Variants in ZNF521 observed in about 807,000 individuals in gnomAD.
ZNF521 encodes the protein zinc finger protein 521, also known as LYST-interacting protein 3.
ZNF521 carries 14 observed loss-of-function variants against 105.5 expected under a neutral mutation model. The ratio of observed to expected loss-of-function variants is 0.13; its 90% CI spans 0.09 to 0.21. ZNF521 has a LOEUF of 0.21. Among genes scored for constraint, ZNF521 ranks in the 10% least tolerant of loss-of-function variants. The pLI, the probability that ZNF521 is intolerant of heterozygous loss-of-function variation, is 1.00. For missense variants in ZNF521, 1,233 were observed against 1,629.7 expected (o/e 0.76, Z 4.19); for synonymous variants, 635 against 606.0 (o/e 1.05, Z -0.70).
At chr18:25,112,525 A>G (rs9949253) in intron 5 of ZNF521, among the ~76,000 whole-genome samples, 78,175 of 152,010 alleles carry the variant, frequency 0.51, 20,393 homozygotes, top group South Asian at 0.66. Context: ...TAAAGAGCAC[A>G]GCTGAGATTA....
intron 3 of ZNF521, among the ~76,000 whole-genome samples, chr18:25,286,095 G>T (rs765076354): frequency 1.3e-5 from 2 of 152,228 alleles, no homozygotes; most frequent in African/African-American, 2.4e-5. Context: ...GCGACCTGGG[G>T]CTGCAGTGCG....
intron 3 of ZNF521, among the ~76,000 whole-genome samples, chr18:25,268,212 G>A (rs1909404419): frequency 6.6e-6 from 1 of 152,132 alleles, no homozygotes. Context: ...ATGAAATACA[G>A]CAAGAAGACA....
At chr18:25,106,417 G>C (rs2034074840) in intron 5 of ZNF521, among the ~76,000 whole-genome samples, 1 of 152,010 alleles carries the variant, frequency 6.6e-6, no homozygotes, top group African/African-American at 2.4e-5. Flanking sequence ...TAAAAAGTTA[G>C]ATTTCCCTGT....
intron 3 of ZNF521, among the ~76,000 whole-genome samples, chr18:25,295,402 T>C (rs79813127): frequency 0.017 from 2,595 of 152,278 alleles, 86 homozygotes; most frequent in African/African-American, 0.058. Context: ...TAGTATTTGC[T>C]AGCACAACAG....
intron 3 of ZNF521, among the ~76,000 whole-genome samples, chr18:25,253,143 G>A (rs45510892): frequency 0.069 from 10,502 of 152,096 alleles, 444 homozygotes; most frequent in African/African-American, 0.12. Flanking sequence ...AGCAGTACTT[G>A]TTCATAAATC....
intron 6 of ZNF521, 44 bp downstream of exon 6, chr18:25,091,905 GT>G: frequency 6.2e-7 from 1 of 1,604,198 alleles, no homozygotes; most frequent in Non-Finnish European, 8.5e-7. Context: ...AAGACATGAT[GT>G]GGCCATCAGC....
chr18:25,083,051 C>T (rs1247842977), intron 7 of ZNF521, among the ~76,000 whole-genome samples: 2 of 151,922 alleles, frequency 1.3e-5, no homozygotes, highest in African/African-American at 4.8e-5. Context: ...AAACTTTTTT[C>T]CAAACTACAC....
chr18:25,251,699 CCACTA>C, intron 3 of ZNF521, among the ~76,000 whole-genome samples: 1 of 152,314 alleles, frequency 6.6e-6, no homozygotes, highest in East Asian at 1.9e-4. Context: ...CATTCAGCAT[CCACTA>C]TACAGGCCAA....
At chr18:25,338,736 A>G (rs981888981) in intron 2 of ZNF521, among the ~76,000 whole-genome samples, 3 of 152,170 alleles carry the variant, frequency 2.0e-5, no homozygotes, top group African/African-American at 7.2e-5. Context: ...TACAGAATAT[A>G]CTAATGAATT....
chr18:25,134,447 A>C (rs372455005), intron 5 of ZNF521, among the ~76,000 whole-genome samples: 163 of 152,228 alleles, frequency 1.1e-3, no homozygotes, highest in Non-Finnish European at 1.9e-3. Flanking sequence ...TCCCATTCCT[A>C]ATGAGCAGGG....
chr18:25,332,420 T>C (rs1046461211), intron 2 of ZNF521, among the ~76,000 whole-genome samples: 2 of 151,062 alleles, frequency 1.3e-5, no homozygotes, highest in African/African-American at 4.9e-5. Flanking sequence ...TTATGTATAA[T>C]TGAAAAAAAG....
chr18:25,074,027 T>C (rs2033289139), intron 7 of ZNF521, among the ~76,000 whole-genome samples: 1 of 149,626 alleles, frequency 6.7e-6, no homozygotes, highest in East Asian at 1.9e-4. Context: ...GAGAGGTGTG[T>C]GTGCGTGCAT....
At chr18:25,208,083 C>A (rs892208340) in intron 4 of ZNF521, among the ~76,000 whole-genome samples, 2 of 152,016 alleles carry the variant, frequency 1.3e-5, no homozygotes. Context: ...ATCAGTCATT[C>A]TTTTAAAAGA....
chr18:25,195,584 TAC>T (rs1219113229), intron 4 of ZNF521, among the ~76,000 whole-genome samples: 1 of 150,934 alleles, frequency 6.6e-6, no homozygotes, highest in Non-Finnish European at 1.5e-5. Flanking sequence ...AAAAAAAATC[TAC>T]AGAGTTTCAG....
chr18:25,170,848 T>C (rs951307119), intron 5 of ZNF521, among the ~76,000 whole-genome samples: 3 of 152,136 alleles, frequency 2.0e-5, no homozygotes, highest in African/African-American at 7.2e-5. Context: ...AGATGTTGTA[T>C]TTTGGCATTT....
chr18:25,100,365 TTTTC>T (rs1328243090), intron 5 of ZNF521, among the ~76,000 whole-genome samples: 1 of 152,202 alleles, frequency 6.6e-6, no homozygotes, highest in Non-Finnish European at 1.5e-5. Flanking sequence ...TCAAAGCTAA[TTTTC>T]TTTCTAAGAA....
intron 3 of ZNF521, chr18:25,302,200 G>C (rs1054202325): frequency 6.6e-6 from 1 of 151,626 alleles, no homozygotes; most frequent in Non-Finnish European, 1.5e-5. Context: ...ATACCCATTT[G>C]TTTATAGATG....
At chr18:25,111,763 C>T (rs1413951916) in intron 5 of ZNF521, among the ~76,000 whole-genome samples, 1 of 152,194 alleles carries the variant, frequency 6.6e-6, no homozygotes, top group Non-Finnish European at 1.5e-5. Context: ...CACTGAATTC[C>T]CTGCCTCTAA....
chr18:25,153,169 T>C (rs944478730), intron 5 of ZNF521, among the ~76,000 whole-genome samples: 1 of 152,208 alleles, frequency 6.6e-6, no homozygotes, highest in Non-Finnish European at 1.5e-5. Flanking sequence ...GCTGTCAGTA[T>C]GGAGAATGTT....
Sources: gnomAD v4.1 joint callset for allele counts (sites outside exome capture counted in the v4.1 genomes callset) on GRCh38, gnomAD v4.1.1 for gene constraint, MANE v1.5 for transcripts, NCBI Gene and HGNC (gene_info 2026-07-23, HGNC 2026-07-21) for gene names.